The following ARL13B variants were observed in gnomAD, a reference collection of about 807,000 sequenced individuals.
The protein encoded by ARL13B is ADP-ribosylation factor-like protein 13B.
In ARL13B, 36 loss-of-function variants were observed where a neutral mutation model predicts 56.1. The ratio of observed to expected loss-of-function variants is 0.64; its 90% CI spans 0.49 to 0.85. The LOEUF is 0.85. Ranked by LOEUF, ARL13B falls within the 40% of genes least tolerant of loss-of-function variation. The pLI is 0.00. For missense variants in ARL13B, 519 were observed against 507.1 expected, an observed-to-expected ratio of 1.02 and a Z score of -0.23; for synonymous variants, 178 against 171.1, an observed-to-expected ratio of 1.04 and a Z score of -0.32.
intron 7 of ARL13B, among the ~76,000 whole-genome samples, chr3:94,045,398 G>C (rs565160324): frequency 6.7e-6 from 1 of 148,174 alleles, no homozygotes; most frequent in Non-Finnish European, 1.5e-5. Context: ...TCCTATGACC[G>C]TGCCACATCC....
In ARL13B at chr3:93,995,945, G is replaced by A; in HGVS notation, c.130+1G>A. 6.2e-7 allele frequency: 1 copy of A among 1,612,588 alleles called. No individual in the cohort carries two copies. The highest frequency in any genetic ancestry group is 1.1e-5 in the South Asian group (1 of 90,958). Reference sequence around the variant, plus strand: ...GCAACAGCAAAGGGAATCCAAGGAGGTAAGCTGAAAACATTTATGTGCTTT... The same window carrying A: ...GCAACAGCAAAGGGAATCCAAGGAGATAAGCTGAAAACATTTATGTGCTTT... On this transcript the variant is annotated splice_donor_variant, in intron 2 of 9. Coordinates refer to ENST00000394222, the MANE Select transcript of ARL13B (RefSeq NM_001174150.2). LOFTEE classifies it high-confidence loss of function.
Position 94,050,846 on chromosome 3 carries a change from C to T in ARL13B, c.1164C>T (p.Val388=), listed in dbSNP as rs1474936663. ...PPPVGWGTPK[V]TRLPKLEPLG... The stretch of plus-strand genomic sequence containing the variant: ...TAGTTGGCTGGGGAACCCCTAAAGT[C>T]ACTAGACTTCCAAAACTTGAGCCTC... The change falls in exon 9 of 10, where the codon GTC becomes GTT. Residue 388 remains valine (V), a synonymous_variant. Coordinates refer to ENST00000394222, the MANE Select transcript of ARL13B (RefSeq NM_001174150.2). 1 of 1,612,796 alleles carries T rather than the reference C, an allele frequency of 6.2e-7. No individual in the cohort carries two copies. The highest frequency in any genetic ancestry group is 8.5e-7 in the Non-Finnish European group (1 of 1,179,702).
chr3:93,992,495 G>C (rs2075894072), intron 1 of ARL13B, among the ~76,000 whole-genome samples: 1 of 152,068 alleles, frequency 6.6e-6, no homozygotes, highest in South Asian at 2.1e-4. Context: ...CCTCTCCAGT[G>C]CCTTTTTTCT....
chr3:94,037,030 G>A (rs1002657929), intron 5 of ARL13B, among the ~76,000 whole-genome samples: 1 of 152,082 alleles, frequency 6.6e-6, no homozygotes, highest in Non-Finnish European at 1.5e-5. Context: ...GGGTACCTTA[G>A]TGCAGTGGTT....
In ARL13B at chr3:94,034,923, T is replaced by C. The variant is rs760931319; in HGVS notation, c.381-408T>C. Among the ~76,000 whole-genome samples the C allele has an allele frequency of 9.2e-4, 140 of 152,272 alleles. 1 individual carries two copies. The highest frequency in any genetic ancestry group is 6.9e-4 in the Non-Finnish European group (47 of 68,016). On this transcript the variant is annotated intron_variant, in intron 3 of 9. Coordinates refer to ENST00000394222, the MANE Select transcript of ARL13B (RefSeq NM_001174150.2). The stretch of plus-strand genomic sequence containing the variant: ...ACTAGTGTGTTCTGTAATCAGTACA[T>C]TTAAAACTTGGGAATCAAAGAATGT...
chr3:94,017,923 G>A (rs1396655176), intron 3 of ARL13B, among the ~76,000 whole-genome samples: 2 of 152,148 alleles, frequency 1.3e-5, no homozygotes, highest in African/African-American at 4.8e-5. Flanking sequence ...AAGTAGAAAG[G>A]TAGGCATGGA....
intron 3 of ARL13B, chr3:94,015,259 C>T (rs771048343): frequency 1.6e-5 from 25 of 1,537,148 alleles, no homozygotes; most frequent in South Asian, 1.5e-4. Context: ...TTCTTGAAGT[C>T]GGTCTTTCAT....
intron 3 of ARL13B, among the ~76,000 whole-genome samples, chr3:94,016,138 C>T (rs935802585): frequency 1.1e-4 from 16 of 152,102 alleles, no homozygotes; most frequent in African/African-American, 3.6e-4. Context: ...AAATGACATA[C>T]ATACATATAA....
Position 94,053,992 on chromosome 3 carries a change from CAATG to C in ARL13B, c.*731_*734del, listed in dbSNP as rs1336444196. Reference sequence around the variant, plus strand: ...AATTACATGATTTGAAAACAGTACTCAATGAGACTGGAAATACCTTTTGTACCTA... The same window carrying C: ...AATTACATGATTTGAAAACAGTACTCAGACTGGAAATACCTTTTGTACCTA... On this transcript the variant is annotated 3_prime_UTR_variant, in exon 10 of 10. Coordinates refer to ENST00000394222, the MANE Select transcript of ARL13B (RefSeq NM_001174150.2). The C allele has an allele frequency of 2.5e-6, 1 of 402,594 alleles. No individual in the cohort carries two copies. Among genetic ancestry groups the C allele is most frequent in the South Asian group, 1.9e-5 (1 of 53,818 alleles). 24.9% of individuals were successfully genotyped at this position (402,594 alleles called of 1,614,324 possible).
At chr3:94,051,000 A>G in intron 9 of ARL13B, 108 bp downstream of exon 9, 2 of 958,738 alleles carry the variant, frequency 2.1e-6, no homozygotes, top group South Asian at 1.5e-5. Flanking sequence ...AAGCTTGTCA[A>G]ATCCACAGCT....
chr3:94,014,931 A>G, intron 3 of ARL13B: 1 of 1,613,560 alleles, frequency 6.2e-7, no homozygotes, highest in Non-Finnish European at 8.5e-7. Context: ...TAACTTCTTT[A>G]ACTAAATCAT....
intron 5 of ARL13B, 79 bp downstream of exon 5, chr3:94,036,833 A>G: frequency 1.4e-6 from 2 of 1,453,744 alleles, no homozygotes; most frequent in South Asian, 1.2e-5. Context: ...TGTTAGTTTT[A>G]TCTGTTCAGT....
At chr3:93,991,661 A>G (rs2075877138) in intron 1 of ARL13B, among the ~76,000 whole-genome samples, 1 of 152,190 alleles carries the variant, frequency 6.6e-6, no homozygotes. Flanking sequence ...GTGAGCCACC[A>G]TGTCCGTCCA....
At chr3:94,036,482 A>C in intron 4 of ARL13B, 70 bp from the exon 5 acceptor site, 1 of 1,499,722 alleles carries the variant, frequency 6.7e-7, no homozygotes, top group Non-Finnish European at 9.2e-7. Flanking sequence ...CATTAATTAT[A>C]CTTAATGGTT....
intron 3 of ARL13B, among the ~76,000 whole-genome samples, chr3:94,029,794 C>G (rs1370602288): frequency 2.0e-5 from 3 of 152,060 alleles, no homozygotes; most frequent in African/African-American, 7.2e-5. Context: ...GTAGAACTGG[C>G]TGAATAAATG....
chr3:94,052,769 T>A (rs2077086752), intron 9 of ARL13B, among the ~76,000 whole-genome samples: 1 of 152,174 alleles, frequency 6.6e-6, no homozygotes, highest in Non-Finnish European at 1.5e-5. Context: ...AAACATTTTT[T>A]GTTGCAATGT....
intron 2 of ARL13B, chr3:93,996,462 A>G (rs2075966805): frequency 4.9e-6 from 1 of 204,542 alleles, no homozygotes; most frequent in South Asian, 7.5e-5. Context: ...TATTGAATAT[A>G]TATCATACAT....
chr3:94,033,633 C>T (rs1044123489), intron 3 of ARL13B, among the ~76,000 whole-genome samples: 1 of 152,166 alleles, frequency 6.6e-6, no homozygotes, highest in Non-Finnish European at 1.5e-5. Flanking sequence ...TAAAGGTCAT[C>T]AATGGCTGCT....
Position 94,003,766 on chromosome 3 carries a change from G to C in ARL13B, c.238G>C (p.Gly80Arg), listed in dbSNP as rs2076090280. The C allele has an allele frequency of 6.2e-7, 1 of 1,613,574 alleles. No individual in the cohort carries two copies. The highest frequency in any genetic ancestry group is 1.7e-5 in the Admixed American group (1 of 59,986). ...FDLGGGIRIR[G>R]IWKNYYAESY... ...CTTGGGAGGTGGAATAAGAATTCGG[G>C]GAATCTGGAAGAATTACTATGCTGA... The change falls in exon 3 of 10, where the codon GGA (glycine) becomes CGA (arginine). Residue 80 changes from glycine to arginine, a missense_variant. Transcript: ENST00000394222.
Sources: gnomAD v4.1 joint callset for allele counts (sites outside exome capture counted in the v4.1 genomes callset) on GRCh38, gnomAD v4.1.1 for gene constraint, MANE v1.5 for transcripts, NCBI Gene and HGNC (gene_info 2026-07-23, HGNC 2026-07-21) for gene names.